The following ARPP21 variants were observed in gnomAD, a reference collection of about 807,000 sequenced individuals.
The protein encoded by ARPP21 is cAMP-regulated phosphoprotein 21.
Under a neutral mutation model 113.2 loss-of-function variants are expected in ARPP21, and 69 were observed. The observed-to-expected ratio is 0.61, with a 90% CI of 0.50 to 0.74. ARPP21 has a LOEUF of 0.74. Ranked by LOEUF, ARPP21 falls within the 30% of genes least tolerant of loss-of-function variation. ARPP21 has a pLI of 0.00. For synonymous variants in ARPP21, 368 were observed against 375.5 expected, an observed-to-expected ratio of 0.98 and a Z score of 0.23; for missense variants, 1,070 against 1,037.4, an observed-to-expected ratio of 1.03 and a Z score of -0.43.
At chr3:35,762,965 C>T (rs984004095) in intron 19 of ARPP21, among the ~76,000 whole-genome samples, 1 of 152,016 alleles carries the variant, frequency 6.6e-6, no homozygotes, top group Admixed American at 6.6e-5. Context: ...TTCTGATGCC[C>T]AGACACACCA....
At chr3:35,778,392 G>A (rs1576950050) in intron 19 of ARPP21, among the ~76,000 whole-genome samples, 2 of 152,258 alleles carry the variant, frequency 1.3e-5, no homozygotes, top group East Asian at 1.9e-4. Context: ...GGCAGAGGGA[G>A]AGAGAGCAGG....
intron 17 of ARPP21, among the ~76,000 whole-genome samples, 174 bp from the exon 18 acceptor site, chr3:35,739,143 T>C (rs1053775400): frequency 2.0e-5 from 3 of 152,268 alleles, no homozygotes; most frequent in Admixed American, 2.0e-4. Flanking sequence ...TGATTTGTCA[T>C]GTTGTGTTCT....
intron 11 of ARPP21, chr3:35,715,131 C>T (rs574253123): frequency 1.2e-5 from 3 of 255,882 alleles, no homozygotes; most frequent in Non-Finnish European, 2.3e-5. Flanking sequence ...ACCACTAGCT[C>T]GGAATCCGAC....
At chr3:35,730,258 A>C (rs1044809567) in intron 15 of ARPP21, among the ~76,000 whole-genome samples, 1 of 152,206 alleles carries the variant, frequency 6.6e-6, no homozygotes, top group Non-Finnish European at 1.5e-5. Context: ...GAGGGCACTG[A>C]GATTCTAACA....
chr3:35,685,050 A>T (rs2080139298), intron 5 of ARPP21: 3 of 985,148 alleles, frequency 3.0e-6, no homozygotes, highest in Non-Finnish European at 3.6e-6. Context: ...TACTGCACAC[A>T]ATATATGTTA....
At chr3:35,710,542 A>AACACACACACAC (rs3086903) in intron 11 of ARPP21, among the ~76,000 whole-genome samples, 2 of 132,864 alleles carry the variant, frequency 1.5e-5, no homozygotes, top group African/African-American at 5.3e-5. Flanking sequence ...CTCTCTCTCA[A>AACACACACACAC]ACACACACAC....
At chr3:35,745,196 A>G (rs2094947192) in intron 19 of ARPP21, among the ~76,000 whole-genome samples, 1 of 152,196 alleles carries the variant, frequency 6.6e-6, no homozygotes, top group East Asian at 1.9e-4. Flanking sequence ...ATAACTATTT[A>G]TTTTTAAAAA....
intron 15 of ARPP21, among the ~76,000 whole-genome samples, chr3:35,736,667 C>T (rs1400645303): frequency 6.6e-6 from 1 of 152,058 alleles, no homozygotes; most frequent in Non-Finnish European, 1.5e-5. Flanking sequence ...TGTTATGTTC[C>T]ATTGTATATT....
At chr3:35,771,050 T>C (rs886154418) in intron 19 of ARPP21, among the ~76,000 whole-genome samples, 3 of 152,222 alleles carry the variant, frequency 2.0e-5, no homozygotes, top group African/African-American at 7.2e-5. Context: ...TAGTTGGATA[T>C]GCACCTTGCT....
In ARPP21 at chr3:35,737,262, GGCAGTCCCAACA is replaced by G. The variant is rs777473821; in HGVS notation, c.1549_1560del (p.Ser517_Gln520del). 1 of 1,612,590 alleles carries G rather than the reference GGCAGTCCCAACA, an allele frequency of 6.2e-7. No homozygotes were observed. The highest frequency in any genetic ancestry group is 1.1e-5 in the South Asian group (1 of 90,824). On this transcript the variant is annotated inframe_deletion, in exon 16 of 21. Transcript: ENST00000684406. The stretch of plus-strand genomic sequence containing the variant: ...CAGCCCCTGCGAAGCGCCATGGTGG[GGCAGTCCCAACA>G]GCAGCCACCACAGCAGCAGCCCTCC...
intron 1 of ARPP21, among the ~76,000 whole-genome samples, chr3:35,671,912 C>T (rs758792565): frequency 6.6e-6 from 1 of 151,900 alleles, no homozygotes; most frequent in Non-Finnish European, 1.5e-5. Flanking sequence ...CAGAAAGCAC[C>T]AAGAGCCTGA....
At chr3:35,645,488 G>A (rs1328859910) in intron 1 of ARPP21, among the ~76,000 whole-genome samples, 1 of 151,848 alleles carries the variant, frequency 6.6e-6, no homozygotes, top group African/African-American at 2.4e-5. Context: ...GAATTGTAAA[G>A]TGTAATATAT....
intron 1 of ARPP21, among the ~76,000 whole-genome samples, chr3:35,664,641 G>C (rs992519496): frequency 8.5e-5 from 13 of 152,142 alleles, no homozygotes; most frequent in African/African-American, 3.1e-4. Flanking sequence ...CCTTCGAATT[G>C]AGCAGGAATT....
rs1040199706 is a variant in ARPP21 at position 35,760,964 on chromosome 3, C to T, written c.2137+16999C>T. Among the ~76,000 whole-genome samples, 4 of 152,064 alleles carry T rather than the reference C, an allele frequency of 2.6e-5. No individual in the cohort carries two copies. The East Asian group carries it at 7.8e-4, about 30-fold the overall frequency. ...AAGAGTGCATTTCTCTAGTCTCTTT[C>T]AAAAGCACTTTTTTTCCCTGACTGT... On this transcript the variant is annotated intron_variant, in intron 19 of 20. Transcript: ENST00000684406.
intron 9 of ARPP21, among the ~76,000 whole-genome samples, chr3:35,693,474 A>T (rs1289976592): frequency 1.3e-5 from 2 of 151,612 alleles, no homozygotes; most frequent in African/African-American, 4.8e-5. Context: ...TAGCACACGA[A>T]AAAAGAGGAT....
At chr3:35,655,469 C>A (rs1328475741) in intron 1 of ARPP21, among the ~76,000 whole-genome samples, 1 of 151,904 alleles carries the variant, frequency 6.6e-6, no homozygotes, top group African/African-American at 2.4e-5. Flanking sequence ...CTCTTCTCTG[C>A]ACGTCACAGC....
chr3:35,722,195 A>G (rs2150321504), intron 14 of ARPP21, among the ~76,000 whole-genome samples: 1 of 152,320 alleles, frequency 6.6e-6, no homozygotes, highest in Admixed American at 6.5e-5. Context: ...TATAAAAATG[A>G]TTACCATGGC....
Position 35,687,804 on chromosome 3 carries a change from T to C in ARPP21, c.327T>C (p.Asp109=). 1.2e-6 allele frequency: 2 copies of C among 1,606,524 alleles called. No individual in the cohort carries two copies. The highest frequency in any genetic ancestry group is 1.1e-5 in the South Asian group (1 of 89,878). The change falls in exon 6 of 21, where the codon GAT becomes GAC. Residue 109 remains aspartate (D), a synonymous_variant. Transcript: ENST00000684406. ...AAGAGGAGGATAAATCTAGGAAAGA[T>C]GACTCTGAAAGAGAAAAAGAAAAGG... ...SLQEEDKSRK[D]DSEREKEKDK...
intron 9 of ARPP21, among the ~76,000 whole-genome samples, chr3:35,696,575 G>A (rs918830511): frequency 1.3e-5 from 2 of 151,492 alleles, no homozygotes; most frequent in Non-Finnish European, 3.0e-5. Context: ...ATTGTAGGTT[G>A]CCAGAAATAT....
Sources: gnomAD v4.1 joint callset for allele counts (sites outside exome capture counted in the v4.1 genomes callset) on GRCh38, gnomAD v4.1.1 for gene constraint, MANE v1.5 for transcripts, NCBI Gene and HGNC (gene_info 2026-07-23, HGNC 2026-07-21) for gene names.